Variants in DMD observed in about 807,000 individuals in gnomAD.
DMD encodes the protein mutant dystrophin.
A neutral mutation model predicts 330.1 loss-of-function variants in DMD; 63 were observed. The ratio of observed to expected loss-of-function variants is 0.19; its 90% confidence interval spans 0.16 to 0.24. The LOEUF (loss-of-function observed/expected upper bound fraction) is 0.24. DMD is among the 10% of genes least tolerant of loss of function. The probability of loss-of-function intolerance (pLI) is 1.00; values close to 1 mark genes in which losing one functional copy is unlikely to be tolerated. For missense variants in DMD, 3,344 were observed against 2,684.1 expected (o/e 1.25, Z -5.43); for synonymous variants, 1,223 against 959.8 (o/e 1.27, Z -5.07).
chrX:31,778,316 C>A (rs907074220), intron 50 of DMD, among the ~76,000 whole-genome samples: 1 of 111,494 alleles, frequency 9.0e-6, no homozygotes, highest in Non-Finnish European at 1.9e-5. Flanking sequence ...TAGAGGATAG[C>A]TGATAGTAGT....
intron 54 of DMD, among the ~76,000 whole-genome samples, chrX:31,653,198 T>G (rs1420172406): frequency 1.8e-5 from 2 of 111,314 alleles, no homozygotes; most frequent in African/African-American, 3.3e-5. Context: ...GCCTTCAAGG[T>G]TGTCAAAGAC....
chrX:32,929,967 G>A (rs1340967334), intron 2 of DMD, among the ~76,000 whole-genome samples: 1 of 111,061 alleles, frequency 9.0e-6, no homozygotes, highest in African/African-American at 3.3e-5. Flanking sequence ...TATCTTTGAT[G>A]GGCATTTCAA....
At chrX:32,762,136 G>C (rs1193912984) in intron 7 of DMD, among the ~76,000 whole-genome samples, 2 of 103,359 alleles carry the variant, frequency 1.9e-5, no homozygotes, top group Non-Finnish European at 3.9e-5. Flanking sequence ...AGGTGACAGA[G>C]CAAGACTCTG....
chrX:31,910,460 C>T (rs1163246270), intron 47 of DMD, among the ~76,000 whole-genome samples: 1 of 112,256 alleles, frequency 8.9e-6, no homozygotes, highest in Admixed American at 9.5e-5. Context: ...ATCTTTAACT[C>T]TCCCAAGGAG....
chrX:32,968,302 C>A (rs1011749796), intron 2 of DMD, among the ~76,000 whole-genome samples: 3 of 109,109 alleles, frequency 2.7e-5, no homozygotes, highest in African/African-American at 1.0e-4. Flanking sequence ...TTTCAGTTAC[C>A]TTCCAGTTGT....
At chrX:31,478,073 CA>C in intron 59 of DMD, 32 bp downstream of exon 59, 1 of 1,205,050 alleles carries the variant, frequency 8.3e-7, no homozygotes. Context: ...TTGAGTCTCT[CA>C]AAGGGCCCTG....
At chrX:32,967,716 G>T (rs992587541) in intron 2 of DMD, among the ~76,000 whole-genome samples, 15 of 111,583 alleles carry the variant, frequency 1.3e-4, no homozygotes, top group African/African-American at 4.9e-4. Context: ...GTAGACTATA[G>T]CTGTTCTTGC....
chrX:33,109,651 A>G (rs2095323901), intron 1 of DMD, among the ~76,000 whole-genome samples: 1 of 111,881 alleles, frequency 8.9e-6, no homozygotes, highest in South Asian at 3.7e-4. Context: ...TATGGCCCAC[A>G]GGCCAGACAA....
chrX:32,651,121 A>C (rs929200527), intron 9 of DMD, among the ~76,000 whole-genome samples: 2 of 100,804 alleles, frequency 2.0e-5, no homozygotes, highest in Admixed American at 2.0e-4. Flanking sequence ...CAGCACTTTT[A>C]AAAAAATATA....
At chrX:33,198,148 A>G (rs2051059412) in intron 1 of DMD, among the ~76,000 whole-genome samples, 1 of 110,914 alleles carries the variant, frequency 9.0e-6, no homozygotes, top group African/African-American at 3.3e-5. Context: ...AACTCATTGT[A>G]GTGTTAATTT....
At chrX:31,601,693 A>G (rs895067553) in intron 55 of DMD, among the ~76,000 whole-genome samples, 1 of 111,863 alleles carries the variant, frequency 8.9e-6, no homozygotes, top group Non-Finnish European at 1.9e-5. Flanking sequence ...TATGCTACGA[A>G]AAAAATAAAT....
At chrX:31,355,592 C>T (rs1419524680) in intron 60 of DMD, among the ~76,000 whole-genome samples, 2 of 111,719 alleles carry the variant, frequency 1.8e-5, no homozygotes, top group East Asian at 5.6e-4. Flanking sequence ...ACACAAATGA[C>T]TCTCCAGTCT....
intron 2 of DMD, among the ~76,000 whole-genome samples, chrX:32,893,559 C>T (rs777918591): frequency 8.9e-6 from 1 of 112,134 alleles, no homozygotes; most frequent in Non-Finnish European, 1.9e-5. Context: ...GCCATTAAAA[C>T]CCCTCAGAGG....
At position 32,330,444 on chromosome X, in the gene DMD, T is replaced by C. The variant is rs183452697; in HGVS notation, c.5922+11656A>G. Among the ~76,000 whole-genome samples the C allele has an allele frequency of 1.3e-3, 149 of 111,929 alleles. 2 individuals carry two copies. Among genetic ancestry groups the C allele is most frequent in the African/African-American group, 4.6e-3 (143 of 30,945 alleles). ...AAGAATCAGAATGATTCACAGATGG[T>C]GCAAGTGATTTAATTATTTTTAACC... is the stretch of plus-strand genomic sequence containing the variant. On this transcript the variant is annotated intron_variant, in intron 41 of 78. Coordinates refer to ENST00000357033, the MANE Select transcript of DMD (RefSeq NM_004006.3).
chrX:31,508,345 C>A, intron 55 of DMD: 2 of 961,482 alleles, frequency 2.1e-6, no homozygotes, highest in Admixed American at 2.9e-5. Flanking sequence ...TGCTTACATT[C>A]TGTTGACAGA....
In DMD at chrX:31,173,519, G is replaced by T. The variant is rs1425449335; in HGVS notation, c.10328+20C>A. 1.7e-6 allele frequency: 2 copies of T among 1,195,719 alleles called. No individual in the cohort carries two copies. Among genetic ancestry groups the T allele is most frequent in the Non-Finnish European group, 2.3e-6 (2 of 882,429 alleles). On this transcript the variant is annotated intron_variant, in intron 72 of 78. Transcript: ENST00000357033. ...AGTTATTTCAATCAATATTTGCCTG[G>T]CATACAACTAGTCTCATACCTGCTA...
At chrX:33,100,589 G>T (rs1369183507) in intron 1 of DMD, among the ~76,000 whole-genome samples, 6 of 111,089 alleles carry the variant, frequency 5.4e-5, no homozygotes, top group Admixed American at 9.7e-5. Context: ...TACTCGGGAA[G>T]CTGAGGCAGG....
At chrX:31,727,311 T>C (rs1228376209) in intron 52 of DMD, among the ~76,000 whole-genome samples, 1 of 111,892 alleles carries the variant, frequency 8.9e-6, no homozygotes, top group Admixed American at 9.5e-5. Flanking sequence ...TTGCAACTTG[T>C]TGGAGAACCC....
At chrX:32,859,716 T>C (rs2081930823) in intron 2 of DMD, among the ~76,000 whole-genome samples, 1 of 111,253 alleles carries the variant, frequency 9.0e-6, no homozygotes, top group Non-Finnish European at 1.9e-5. Context: ...TTTCTTGTTC[T>C]TTTGACTATT....
Sources: allele counts gnomAD v4.1 joint callset (sites outside exome capture counted in the v4.1 genomes callset), GRCh38; gene constraint gnomAD v4.1.1; transcripts MANE v1.5; gene names NCBI Gene and HGNC (gene_info 2026-07-23, HGNC 2026-07-21).